The following SNX7 variants were observed in gnomAD, a reference collection of about 807,000 sequenced individuals.
SNX7 encodes the protein sorting nexin 7.
In SNX7, 35 loss-of-function variants were observed where a neutral mutation model predicts 48.4. That is an observed-to-expected ratio of 0.72 (90% CI 0.55 to 0.96). The LOEUF (loss-of-function observed/expected upper bound fraction) is 0.96. Among genes scored for constraint, SNX7 ranks in the 40% least tolerant of loss-of-function variants. The probability of loss-of-function intolerance (pLI) is 0.00; values close to 1 mark genes in which losing one functional copy is unlikely to be tolerated. For missense variants in SNX7, 553 were observed against 548.9 expected, an observed-to-expected ratio of 1.01 and a Z score of -0.07; for synonymous variants, 190 against 190.2, an observed-to-expected ratio of 1.00 and a Z score of 0.01.
chr1:98,661,490 C>G (rs1007387391), upstream of SNX7, among the ~76,000 whole-genome samples: 1 of 152,152 alleles, frequency 6.6e-6, no homozygotes, highest in Non-Finnish European at 1.5e-5. Flanking sequence ...ACAGCCAACC[C>G]TTTCTCCAAC....
chr1:98,746,629 C>A (rs537296946), intron 8 of SNX7, among the ~76,000 whole-genome samples: 1 of 152,158 alleles, frequency 6.6e-6, no homozygotes, highest in South Asian at 2.1e-4. Flanking sequence ...ACCACTTGAA[C>A]GAGCTTGGGT....
rs1651125006 is a variant in SNX7, at chr1:98,691,534, G to A, written c.475-1G>A. 6.4e-7 allele frequency: 1 copy of A among 1,569,042 alleles called. No individual in the cohort carries two copies. The highest frequency in any genetic ancestry group is 1.4e-5 in the African/African-American group (1 of 71,860). ...TACCTTTTTAATTTTTTTTGCCTTA[G>A]CCATTGCCAGAAAAGTTTATAGTAA... On this transcript the variant is annotated splice_acceptor_variant, in intron 3 of 8. Coordinates refer to ENST00000306121, the MANE Select transcript of SNX7 (RefSeq NM_015976.5). LOFTEE classifies it high-confidence loss of function.
rs1000858888 is a variant in SNX7 at position 98,661,744 on chromosome 1, C to G, written c.13C>G (p.Arg5Gly). The change falls in exon 1 of 9, where the codon CGC (arginine) becomes GGC (glycine). Residue 5 changes from arginine (R) to glycine (G), a missense_variant. Arg to Gly is a moderately radical substitution (Grantham distance 125). Coordinates refer to ENST00000306121, the MANE Select transcript of SNX7 (RefSeq NM_015976.5). ...GCGCACTCTCGGGATGGAGGGCGAG[C>G]GCCGGGCATCGCAGGCGCCCTCCTC... MEGERRASQAPSSGL... is the reference protein window; with the variant it reads MEGEGRASQAPSSGL... The G allele has an allele frequency of 8.1e-7, 1 of 1,232,144 alleles. No individual in the cohort carries two copies. The allele number at this position is 1,232,144 out of a possible 1,614,324, so 76.3% of individuals were successfully genotyped here.
chr1:98,663,262 T>G (rs1322954435), intron 1 of SNX7, among the ~76,000 whole-genome samples: 25 of 11,664 alleles, frequency 2.1e-3, no homozygotes, highest in Admixed American at 3.7e-3. Context: ...GGTTTTTTTT[T>G]TTTTTTTTTT....
At chr1:98,713,066 G>A (rs969040329) in intron 7 of SNX7, among the ~76,000 whole-genome samples, 1 of 143,508 alleles carries the variant, frequency 7.0e-6, no homozygotes, top group South Asian at 2.3e-4. Flanking sequence ...AGTCCAGCCT[G>A]GGCAACAAGA....
chr1:98,724,696 A>G (rs1289373405), intron 7 of SNX7, among the ~76,000 whole-genome samples: 1 of 152,042 alleles, frequency 6.6e-6, no homozygotes, highest in South Asian at 2.1e-4. Context: ...AATAGTCAAC[A>G]TGGGTGGCTC....
chr1:98,688,687 A>G lies in SNX7; in HGVS notation c.364-2388A>G, dbSNP rs554505720. Among the ~76,000 whole-genome samples the G allele has an allele frequency of 7.2e-5, 11 of 152,326 alleles. No individual in the cohort carries two copies. In the East Asian group the frequency reaches 2.1e-3, roughly 29 times the overall value. ...GAGATCACACAAGTTCATTAGTACT[A>G]AACTTCAAATACCCAAGCTTTTATG... On this transcript the variant is annotated intron_variant, in intron 2 of 8. Transcript: ENST00000306121.
chr1:98,712,643 A>G (rs193170662), intron 7 of SNX7, among the ~76,000 whole-genome samples: 1 of 152,304 alleles, frequency 6.6e-6, no homozygotes, highest in Admixed American at 6.5e-5. Context: ...TCTTTAGGGC[A>G]CTAGGATTAT....
chr1:98,736,177 C>T (rs1443704354), intron 7 of SNX7, among the ~76,000 whole-genome samples: 2 of 152,124 alleles, frequency 1.3e-5, no homozygotes, highest in African/African-American at 4.8e-5. Flanking sequence ...TCCTGAAAGC[C>T]GATATCAGTA....
chr1:98,734,178 G>T (rs12024504), intron 7 of SNX7, among the ~76,000 whole-genome samples: 39,904 of 151,724 alleles, frequency 0.26, 5,531 homozygotes, highest in Middle Eastern at 0.31. Flanking sequence ...TGAATTAAAA[G>T]TCAAAATGTC....
At chr1:98,716,785 T>C (rs558753641) in intron 7 of SNX7, among the ~76,000 whole-genome samples, 1 of 152,258 alleles carries the variant, frequency 6.6e-6, no homozygotes, top group African/African-American at 2.4e-5. Flanking sequence ...GTAACAATTA[T>C]CTGCTACTAA....
At chr1:98,692,986 G>A (rs4375290) in intron 4 of SNX7, among the ~76,000 whole-genome samples, 1 of 152,092 alleles carries the variant, frequency 6.6e-6, no homozygotes, top group East Asian at 1.9e-4. Context: ...GGTTTGTGAG[G>A]TTTTTTTAGT....
At chr1:98,736,703 A>G (rs969178804) in intron 7 of SNX7, among the ~76,000 whole-genome samples, 2 of 152,210 alleles carry the variant, frequency 1.3e-5, no homozygotes, top group Non-Finnish European at 2.9e-5. Context: ...GTAATACCAA[A>G]TATCTATTAT....
At chr1:98,664,871 A>C (rs932126733) in intron 1 of SNX7, among the ~76,000 whole-genome samples, 6 of 152,156 alleles carry the variant, frequency 3.9e-5, no homozygotes, top group Non-Finnish European at 8.8e-5. Context: ...AAAAACAGTA[A>C]AAATAAAAAA....
chr1:98,709,325 A>G (rs1381660305), intron 7 of SNX7, among the ~76,000 whole-genome samples: 1 of 152,220 alleles, frequency 6.6e-6, no homozygotes, highest in East Asian at 1.9e-4. Context: ...GTGTTAAAAT[A>G]AGAAAAAAGA....
At chr1:98,694,596 ATTTTTTTT>A (rs764330196) in intron 4 of SNX7, among the ~76,000 whole-genome samples, 3 of 53,200 alleles carry the variant, frequency 5.6e-5, no homozygotes, top group Admixed American at 3.6e-4. Flanking sequence ...TTGCTCTGGG[ATTTTTTTT>A]TTTTTTTTTT....
intron 6 of SNX7, among the ~76,000 whole-genome samples, chr1:98,699,533 C>T (rs1022426908): frequency 5.6e-4 from 86 of 152,242 alleles, no homozygotes; most frequent in African/African-American, 2.0e-3. Context: ...TCTGTGCCTA[C>T]AATACTTTAC....
At chr1:98,665,468 C>A (rs564651557) in intron 1 of SNX7, among the ~76,000 whole-genome samples, 1 of 152,098 alleles carries the variant, frequency 6.6e-6, no homozygotes, top group Non-Finnish European at 1.5e-5. Context: ...ATAGAAGCTA[C>A]AAGTTTTATA....
chr1:98,698,097 A>G (rs890718252), intron 5 of SNX7, among the ~76,000 whole-genome samples: 1 of 152,154 alleles, frequency 6.6e-6, no homozygotes, highest in South Asian at 2.1e-4. Context: ...ATGTTTCTAT[A>G]CTCTGATAAA....
Sources: gnomAD v4.1 joint callset for allele counts (sites outside exome capture counted in the v4.1 genomes callset) on GRCh38, gnomAD v4.1.1 for gene constraint, MANE v1.5 for transcripts, NCBI Gene and HGNC (gene_info 2026-07-23, HGNC 2026-07-21) for gene names.